Variants in LRRC4C observed in about 807,000 individuals in gnomAD.
The protein encoded by LRRC4C is leucine rich repeat containing 4C.
LRRC4C carries 5 observed loss-of-function variants against 33.6 expected under a neutral mutation model. The ratio of observed to expected loss-of-function variants is 0.15; its 90% CI spans 0.08 to 0.31. The LOEUF is 0.31. Ranked by LOEUF, LRRC4C falls within the 10% of genes least tolerant of loss-of-function variation. LRRC4C has a pLI of 1.00. For missense variants in LRRC4C, 560 were observed against 796.7 expected (o/e 0.70, Z 3.58); for synonymous variants, 329 against 302.0 (o/e 1.09, Z -0.93).
At chr11:40,856,262 G>T (rs186740188) in intron 2 of LRRC4C, among the ~76,000 whole-genome samples, 3 of 152,172 alleles carry the variant, frequency 2.0e-5, no homozygotes, top group Non-Finnish European at 2.9e-5. Flanking sequence ...AAACAGTTTG[G>T]ATACATAGCT....
intron 5 of LRRC4C, among the ~76,000 whole-genome samples, chr11:40,189,749 G>A (rs1319588255): frequency 1.3e-5 from 2 of 152,222 alleles, no homozygotes; most frequent in Non-Finnish European, 1.5e-5. Flanking sequence ...TTTGAGGGCA[G>A]TTATCTTTGG....
chr11:40,771,528 C>A (rs2137173630), intron 2 of LRRC4C, among the ~76,000 whole-genome samples: 1 of 152,312 alleles, frequency 6.6e-6, no homozygotes, highest in African/African-American at 2.4e-5. Context: ...CAAATTTCTG[C>A]AGCTGGCTTG....
At chr11:41,011,992 A>T (rs1855235036) in intron 1 of LRRC4C, among the ~76,000 whole-genome samples, 1 of 150,328 alleles carries the variant, frequency 6.7e-6, no homozygotes, top group African/African-American at 2.4e-5. Context: ...TTTCAGGGAC[A>T]TGGGATAATT....
At chr11:40,598,115 A>G (rs1959555627) in intron 3 of LRRC4C, among the ~76,000 whole-genome samples, 1 of 152,210 alleles carries the variant, frequency 6.6e-6, no homozygotes, top group South Asian at 2.1e-4. Flanking sequence ...GCCACACAAG[A>G]TATTTAAAAG....
intron 1 of LRRC4C, among the ~76,000 whole-genome samples, chr11:41,058,854 A>G (rs1258750503): frequency 1.3e-5 from 2 of 152,176 alleles, no homozygotes; most frequent in Non-Finnish European, 2.9e-5. Context: ...TGGTGATTAT[A>G]CACCATCGAA....
At chr11:40,596,740 C>T (rs2135776473) in intron 3 of LRRC4C, among the ~76,000 whole-genome samples, 1 of 152,192 alleles carries the variant, frequency 6.6e-6, no homozygotes, top group African/African-American at 2.4e-5. Context: ...GTTTATTTCA[C>T]TTGACATAAT....
At chr11:40,305,975 A>G (rs967900560) in intron 4 of LRRC4C, among the ~76,000 whole-genome samples, 1 of 152,194 alleles carries the variant, frequency 6.6e-6, no homozygotes, top group Non-Finnish European at 1.5e-5. Flanking sequence ...TACTTGACCA[A>G]CGAGGTTGTT....
chr11:40,590,496 T>C (rs1011192935), intron 3 of LRRC4C, among the ~76,000 whole-genome samples: 5 of 152,120 alleles, frequency 3.3e-5, no homozygotes, highest in African/African-American at 1.2e-4. Flanking sequence ...TCATTCTCCG[T>C]CCAGCTTTTT....
At chr11:41,300,166 C>T (rs1239250098) in intron 1 of LRRC4C, among the ~76,000 whole-genome samples, 1 of 152,160 alleles carries the variant, frequency 6.6e-6, no homozygotes, top group Non-Finnish European at 1.5e-5. Context: ...TGAAGTGTCA[C>T]TGGGGAAATT....
chr11:40,367,712 T>C (rs1396792061), intron 3 of LRRC4C, among the ~76,000 whole-genome samples: 4 of 152,154 alleles, frequency 2.6e-5, no homozygotes, highest in Non-Finnish European at 5.9e-5. Context: ...TGAAATGTCA[T>C]ATTGTCAAGA....
intron 1 of LRRC4C, among the ~76,000 whole-genome samples, chr11:41,418,437 C>T (rs1004718920): frequency 3.3e-5 from 5 of 151,886 alleles, no homozygotes; most frequent in South Asian, 2.1e-4. Flanking sequence ...GAGGAATTAA[C>T]GGAGTCTCTC....
intron 1 of LRRC4C, among the ~76,000 whole-genome samples, chr11:41,351,234 C>T (rs1163150647): frequency 8.7e-6 from 1 of 114,408 alleles, no homozygotes; most frequent in East Asian, 3.1e-4. Flanking sequence ...CACACACACA[C>T]ATACACACAC....
intron 3 of LRRC4C, among the ~76,000 whole-genome samples, chr11:40,645,307 C>A (rs1040587963): frequency 2.6e-5 from 4 of 152,122 alleles, no homozygotes; most frequent in African/African-American, 9.7e-5. Flanking sequence ...CACACAGACA[C>A]ACACAAACAT....
intron 1 of LRRC4C, among the ~76,000 whole-genome samples, chr11:41,414,777 T>C (rs1271058327): frequency 6.6e-6 from 1 of 152,138 alleles, no homozygotes; most frequent in East Asian, 1.9e-4. Context: ...TAAAAGATTG[T>C]GCTATACGTC....
chr11:41,150,913 G>C (rs1246975537), intron 1 of LRRC4C, among the ~76,000 whole-genome samples: 1 of 152,016 alleles, frequency 6.6e-6, no homozygotes, highest in African/African-American at 2.4e-5. Context: ...CAGATGATGG[G>C]AGAAAAAATT....
chr11:40,550,977 C>T (rs558383752), intron 3 of LRRC4C, among the ~76,000 whole-genome samples: 2 of 152,112 alleles, frequency 1.3e-5, no homozygotes, highest in South Asian at 2.1e-4. Context: ...AGAAATAAGC[C>T]TTCACTTCTG....
At chr11:40,578,372 T>C (rs1958314577) in intron 3 of LRRC4C, among the ~76,000 whole-genome samples, 1 of 151,980 alleles carries the variant, frequency 6.6e-6, no homozygotes, top group Non-Finnish European at 1.5e-5. Flanking sequence ...TCAGTAATAT[T>C]TTAAAATTCT....
At chr11:41,116,000 T>C (rs1942102907) in intron 1 of LRRC4C, among the ~76,000 whole-genome samples, 1 of 152,134 alleles carries the variant, frequency 6.6e-6, no homozygotes. Context: ...CTTTCCACCA[T>C]GAGAGCTAGC....
intron 1 of LRRC4C, among the ~76,000 whole-genome samples, chr11:41,308,898 G>T (rs990118390): frequency 6.6e-6 from 1 of 151,688 alleles, no homozygotes; most frequent in Non-Finnish European, 1.5e-5. Flanking sequence ...CCCACCTCCC[G>T]GTATCAAGTG....
Sources: gnomAD v4.1 joint callset for allele counts (sites outside exome capture counted in the v4.1 genomes callset) on GRCh38, gnomAD v4.1.1 for gene constraint, MANE v1.5 for transcripts, NCBI Gene and HGNC (gene_info 2026-07-23, HGNC 2026-07-21) for gene names.